The following POLRMT variants were observed in gnomAD, a reference collection of about 807,000 sequenced individuals.
POLRMT encodes the protein DNA-directed RNA polymerase, mitochondrial.
A neutral mutation model predicts 132.2 loss-of-function variants in POLRMT; 114 were observed. The ratio of observed to expected loss-of-function variants is 0.86; its 90% confidence interval spans 0.74 to 1.01. The LOEUF (loss-of-function observed/expected upper bound fraction) is 1.01. POLRMT is among the 50% of genes least tolerant of loss of function. The probability of loss-of-function intolerance (pLI) is 0.00; values close to 1 mark genes in which losing one functional copy is unlikely to be tolerated. For missense variants in POLRMT, 2,003 were observed against 1,729.1 expected (o/e 1.16, Z -2.81); for synonymous variants, 1,020 against 773.4 (o/e 1.32, Z -5.29).
At chr19:626,782 C>T (rs1445525165) in intron 3 of POLRMT, among the ~76,000 whole-genome samples, 2 of 150,504 alleles carry the variant, frequency 1.3e-5, no homozygotes, top group African/African-American at 2.5e-5. Context: ...ATCACTTGAA[C>T]GCAGAAAGCG....
In POLRMT at chr19:617,335, G is replaced by A. The variant is rs1394961803; in HGVS notation, c.3644-12C>T. On this transcript the variant is annotated splice_polypyrimidine_tract_variant and intron_variant, in intron 20 of 20. Coordinates refer to ENST00000588649, the MANE Select transcript of POLRMT (RefSeq NM_005035.4). ...CAGGTCGAAGGCCCCTGCGGAGGAAGCAGAGCGGACGGCGTGGGTGGCGGG... is the reference window on the plus strand; with the variant it reads ...CAGGTCGAAGGCCCCTGCGGAGGAAACAGAGCGGACGGCGTGGGTGGCGGG... 1.2e-6 allele frequency: 2 copies of A among 1,612,744 alleles called. No homozygotes were observed. Among genetic ancestry groups the A allele is most frequent in the East Asian group, 4.5e-5 (2 of 44,888 alleles).
Position 621,520 on chromosome 19 carries a change from G to T in POLRMT, c.2178C>A (p.Cys726Ter), listed in dbSNP as rs747221424. The T allele has an allele frequency of 2.9e-6, 4 of 1,390,024 alleles. No individual in the cohort carries two copies. The South Asian group carries it at 6.3e-5, about 22-fold the overall frequency. 86.1% of individuals were successfully genotyped at this position (1,390,024 alleles called of 1,614,324 possible). A position where few individuals can be genotyped will look rare whatever the true frequency, so the allele number is the denominator to read the frequency against. ...GCGGGGCCGGCACGCCTAGCTGGGGGCAGCCCTTGGCCTGGAAGAGCTGCA... is the reference window on the plus strand; with the variant it reads ...GCGGGGCCGGCACGCCTAGCTGGGGTCAGCCCTTGGCCTGGAAGAGCTGCA... ...LVLQLFQAKG[C>*]PQLGVPAPPS... The change falls in exon 10 of 21, where the codon TGC (cysteine) becomes TGA (stop). Residue 726 changes from cysteine to a stop codon, truncating the protein, a stop_gained. Transcript: ENST00000588649. LOFTEE classifies it high-confidence loss of function.
In POLRMT at chr19:619,015, G is replaced by T. The variant is rs1193388669; in HGVS notation, c.3249C>A (p.Arg1083=). Residue 1083 remains arginine, a synonymous_variant, in exon 15 of 21, where the codon CGC becomes CGA. Transcript: ENST00000588649. ...CACTGACCTTGACCTTGGAGTCCAG[G>T]CGATAGGGCTGGATGACGGGGACGC... ...PLGVPVIQPY[R]LDSKVKQIGG... 6.3e-7 allele frequency: 1 copy of T among 1,591,186 alleles called. No individual in the cohort carries two copies. Among genetic ancestry groups the T allele is most frequent in the Admixed American group, 1.8e-5 (1 of 56,452 alleles).
chr19:622,518 C>T (rs1984694830), intron 8 of POLRMT, 64 bp downstream of exon 8: 18 of 1,514,686 alleles, frequency 1.2e-5, no homozygotes, highest in Non-Finnish European at 1.6e-5. Context: ...CCGGCTGCTC[C>T]AGGGAGGGAG....
chr19:631,092 G>A (rs1183082772), intron 2 of POLRMT, among the ~76,000 whole-genome samples: 5 of 152,020 alleles, frequency 3.3e-5, no homozygotes, highest in African/African-American at 1.2e-4. Flanking sequence ...CTGGGAGGCA[G>A]AGGTTGCAGT....
In POLRMT at chr19:632,850, G is replaced by A; in HGVS notation, c.177C>T (p.His59=). The stretch of plus-strand genomic sequence containing the variant: ...CGCGCTCACCCTCCAGCAGCTCCAC[G>A]TGGCCCCAGTCCTTCCTGCGGTCTT... ...QDQDRRKDWG[H]VELLEVLQAR... The change falls in exon 2 of 21, where the codon CAC becomes CAT. Residue 59 remains histidine, a synonymous_variant. Transcript: ENST00000588649. 3 of 1,544,586 alleles carry A rather than the reference G, an allele frequency of 1.9e-6. No individual in the cohort carries two copies. Among genetic ancestry groups the A allele is most frequent in the Non-Finnish European group, 2.6e-6 (3 of 1,147,912 alleles).
In POLRMT at chr19:622,901, C is replaced by T; in HGVS notation, c.1375G>A (p.Glu459Lys). 6.2e-7 allele frequency: 1 copy of T among 1,612,318 alleles called. No homozygotes were observed. Among genetic ancestry groups the T allele is most frequent in the South Asian group, 1.1e-5 (1 of 90,824 alleles). ...LRETKNRLER[E>K]VYEGRFSLYP... Reference sequence around the variant, plus strand: ...AGTGAGAACCGGCCCTCGTACACCTCGCGCTCTAGGCGGTTCTTGGTCTCC... The same window carrying T: ...AGTGAGAACCGGCCCTCGTACACCTTGCGCTCTAGGCGGTTCTTGGTCTCC... The change falls in exon 7 of 21, where the codon GAG becomes AAG. Residue 459 changes from glutamate to lysine, a missense_variant. By Grantham distance (56) the Glu-to-Lys change is moderately conservative. Transcript: ENST00000588649.
In POLRMT at chr19:621,119, C is replaced by T. The variant is rs755261391; in HGVS notation, c.2579G>A (p.Arg860His). The T allele has an allele frequency of 5.6e-6, 9 of 1,610,156 alleles. No individual in the cohort carries two copies. Among genetic ancestry groups the T allele is most frequent in the South Asian group, 1.1e-5 (1 of 90,984 alleles). ...CATCACCTCCTCCGCAAAGGCCAGGCGCTTCCGCAGCGGCTCCCGCTTCTT... is the reference window on the plus strand; with the variant it reads ...CATCACCTCCTCCGCAAAGGCCAGGTGCTTCCGCAGCGGCTCCCGCTTCTT... ...GLKKREPLRKRLAFAEEVMDD... is the reference protein window; with the variant it reads ...GLKKREPLRKHLAFAEEVMDD... The change falls in exon 10 of 21, where the codon CGC becomes CAC. Residue 860 changes from arginine (R) to histidine (H), a missense_variant. Physicochemically the swap from Arg to His is conservative, Grantham distance 29 (BLOSUM62 0). Transcript: ENST00000588649.
At chr19:618,216 C>G (rs1984166924) in intron 17 of POLRMT, 1 of 551,672 alleles carries the variant, frequency 1.8e-6, no homozygotes, top group African/African-American at 1.9e-5. Context: ...TGCTCCAGAT[C>G]TAACCACACA....
intron 12 of POLRMT, 53 bp from the exon 13 acceptor site, chr19:619,818 GCCA>G (rs1271505004): frequency 8.4e-6 from 13 of 1,549,680 alleles, no homozygotes; most frequent in South Asian, 3.7e-5. Context: ...CAGCCCAGGG[GCCA>G]CCAAGCACCC....
chr19:622,433 G>A (rs1984688744), intron 8 of POLRMT, 60 bp from the exon 9 acceptor site: 25 of 1,478,260 alleles, frequency 1.7e-5, no homozygotes, highest in Admixed American at 2.4e-5. Flanking sequence ...ATGCCCCACC[G>A]CCCGTGCCTG....
Position 617,321 on chromosome 19 carries a change from C to T in POLRMT, c.3646G>A (p.Ala1216Thr), listed in dbSNP as rs746877146. The T allele has an allele frequency of 5.0e-6, 8 of 1,612,796 alleles. No individual in the cohort carries two copies. The highest frequency in any genetic ancestry group is 4.4e-5 in the South Asian group (4 of 91,092). ...ETLQAVPKPGAFDLEQVKRST... is the reference protein window; with the variant it reads ...ETLQAVPKPGTFDLEQVKRST... Reference sequence around the variant, plus strand: ...CGCTTCACCTGCTCCAGGTCGAAGGCCCCTGCGGAGGAAGCAGAGCGGACG... The same window carrying T: ...CGCTTCACCTGCTCCAGGTCGAAGGTCCCTGCGGAGGAAGCAGAGCGGACG... The change falls in exon 21 of 21, where the codon GCC (alanine) becomes ACC (threonine). Residue 1216 changes from alanine to threonine, a missense_variant and splice_region_variant. Coordinates refer to ENST00000588649, the MANE Select transcript of POLRMT (RefSeq NM_005035.4).
chr19:618,908 G>C, intron 15 of POLRMT, 89 bp downstream of exon 15: 2 of 1,350,748 alleles, frequency 1.5e-6, no homozygotes, highest in Non-Finnish European at 2.0e-6. Context: ...TGGTACACTG[G>C]GGTGGTGGTA....
Position 619,573 on chromosome 19 carries a change from A to G in POLRMT, c.3066+13T>C. ...GAAACCAACGTGTTCGCAGCGCGAC[A>G]TGCCTGGCGCACCTGGGGAAAGTCG... On this transcript the variant is annotated intron_variant, in intron 13 of 20. Transcript: ENST00000588649. 9 of 1,611,528 alleles carry G rather than the reference A, an allele frequency of 5.6e-6. No homozygotes were observed. Among genetic ancestry groups the G allele is most frequent in the Non-Finnish European group, 7.6e-6 (9 of 1,179,548 alleles).
chr19:625,110 C>A lies in POLRMT; in HGVS notation c.953+14G>T. 6.2e-7 allele frequency: 1 copy of A among 1,609,128 alleles called. No individual in the cohort carries two copies. Among genetic ancestry groups the A allele is most frequent in the Non-Finnish European group, 8.5e-7 (1 of 1,177,986 alleles). ...GACATGGTGGGGGGTGGGGGCCCTC[C>A]CGACACCACCTACCTTTCGATGGTC... On this transcript the variant is annotated intron_variant, in intron 4 of 20. Coordinates refer to ENST00000588649, the MANE Select transcript of POLRMT (RefSeq NM_005035.4).
chr19:620,062 G>C lies in POLRMT; in HGVS notation c.2782C>G (p.Leu928Val). 6.5e-7 allele frequency: 1 copy of C among 1,545,992 alleles called. No homozygotes were observed. The change falls in exon 12 of 21, where the codon CTG becomes GTG. Residue 928 changes from leucine to valine, a missense_variant. Leu to Val is a conservative substitution (Grantham distance 32). Transcript: ENST00000588649. ...CGGCCCAGAGCAGCATAATGCTGCA[G>C]GCCGTTGCAAGAGCCGTCCTGAGGA... ...PVHQDGSCNG[L>V]QHYAALGRDS... is the part of the protein sequence containing the mutation.
At position 629,838 on chromosome 19, in the gene POLRMT, A is replaced by G. The variant is rs558267165; in HGVS notation, c.524T>C (p.Leu175Pro). The G allele has an allele frequency of 1.2e-6, 2 of 1,604,278 alleles. No individual in the cohort carries two copies. Among genetic ancestry groups the G allele is most frequent in the South Asian group, 1.1e-5 (1 of 90,218 alleles). Residue 175 changes from leucine to proline, a missense_variant, in exon 3 of 21, where the codon CTG (leucine) becomes CCG (proline). Leu to Pro is a moderately conservative substitution (Grantham distance 98). Transcript: ENST00000588649. ...GGGGGCCTGGCGCGTGCAGTCCTCC[A>G]GGCACCCGGCCATCTGCTTGCTCAG... ...RLLSKQMAGC[L>P]EDCTRQAPES...
chr19:618,861 G>A (rs1167747280), intron 15 of POLRMT, 101 bp from the exon 16 acceptor site: 14 of 1,406,902 alleles, frequency 1.0e-5, no homozygotes, highest in Admixed American at 9.9e-5. Flanking sequence ...TAGGATGGTG[G>A]CACACTGGCG....
In POLRMT at chr19:624,924, G is replaced by T; in HGVS notation, c.954-19C>A. 1 of 1,593,000 alleles carries T rather than the reference G, an allele frequency of 6.3e-7. No homozygotes were observed. Among genetic ancestry groups the T allele is most frequent in the East Asian group, 2.2e-5 (1 of 44,492 alleles). The stretch of plus-strand genomic sequence containing the variant: ...CAGACACCTGTGGTGCAGGCGGCCT[G>T]CTCGAGGGACGGGCCAGCCCCACGC... On this transcript the variant is annotated intron_variant, in intron 4 of 20. Transcript: ENST00000588649.
Sources: gnomAD v4.1 joint callset for allele counts (sites outside exome capture counted in the v4.1 genomes callset) on GRCh38, gnomAD v4.1.1 for gene constraint, MANE v1.5 for transcripts, NCBI Gene and HGNC (gene_info 2026-07-23, HGNC 2026-07-21) for gene names.